The following FAM117B variants were observed in gnomAD, a reference collection of about 807,000 sequenced individuals.
FAM117B encodes family with sequence similarity 117 member B.
A neutral mutation model predicts 52.8 loss-of-function variants in FAM117B; 22 were observed. That is an observed-to-expected ratio of 0.42 (90% CI 0.30 to 0.59). The LOEUF is 0.59. FAM117B is among the 20% of genes least tolerant of loss of function. The pLI is 0.22. For missense variants in FAM117B, 678 were observed against 802.6 expected (o/e 0.84, Z 1.88); for synonymous variants, 309 against 324.1 (o/e 0.95, Z 0.50).
chr2:202,667,849 T>A (rs1327335335), intron 1 of FAM117B, among the ~76,000 whole-genome samples: 2 of 152,072 alleles, frequency 1.3e-5, no homozygotes, highest in Admixed American at 6.6e-5. Flanking sequence ...ACAGCTAGCA[T>A]GGCTGAACCA....
intron 2 of FAM117B, among the ~76,000 whole-genome samples, chr2:202,717,921 G>C (rs1691083858): frequency 6.6e-6 from 1 of 152,206 alleles, no homozygotes; most frequent in Non-Finnish European, 1.5e-5. Flanking sequence ...GGCAGGTCCA[G>C]AGGTGTTGTA....
intron 1 of FAM117B, among the ~76,000 whole-genome samples, chr2:202,648,613 A>G (rs760293036): frequency 2.0e-5 from 3 of 149,846 alleles, no homozygotes; most frequent in Non-Finnish European, 4.4e-5. Flanking sequence ...ATAGTGGACC[A>G]TGCATTATTT....
At chr2:202,643,343 GGTAGA>G (rs1453269791) in intron 1 of FAM117B, among the ~76,000 whole-genome samples, 2 of 152,092 alleles carry the variant, frequency 1.3e-5, no homozygotes, top group Admixed American at 6.6e-5. Context: ...TCCAGTACAT[GGTAGA>G]GTCTGGAAAT....
intron 4 of FAM117B, among the ~76,000 whole-genome samples, chr2:202,748,296 C>T (rs1362513231): frequency 1.3e-5 from 2 of 151,930 alleles, no homozygotes; most frequent in Non-Finnish European, 2.9e-5. Context: ...TGGATTAAAG[C>T]CTTAAAGGTA....
At chr2:202,755,803 T>A in intron 5 of FAM117B, 122 bp downstream of exon 5, 1 of 1,019,740 alleles carries the variant, frequency 9.8e-7, no homozygotes, top group South Asian at 2.1e-5. Flanking sequence ...AATTTATCTC[T>A]TTTGAAAAAT....
intron 1 of FAM117B, among the ~76,000 whole-genome samples, chr2:202,691,649 TTGTGTGTGTGTGTGTGTGTGTG>T (rs199855927): frequency 1.2e-4 from 15 of 126,882 alleles, no homozygotes; most frequent in African/African-American, 4.3e-4. Flanking sequence ...CCAGTTTACA[TTGTGTGTGTGTGTGTGTGTGTG>T]TGTGTGTGTG....
rs1158185300 is a variant in FAM117B, at chr2:202,673,433, G to GTTTT, written c.602-22419_602-22416dup. ...TAGCCTACCCTATTTTTCTTTTTCT[G>GTTTT]TTTTTTTTTTTTTTTTTTTTTTTTT... On this transcript the variant is annotated intron_variant, in intron 1 of 7. Coordinates refer to ENST00000392238, the MANE Select transcript of FAM117B (RefSeq NM_173511.4). Among the ~76,000 whole-genome samples the GTTTT allele has an allele frequency of 8.5e-3, 319 of 37,538 alleles. 23 individuals are homozygous for GTTTT. The highest frequency in any genetic ancestry group is 9.5e-3 in the East Asian group (9 of 944). 24.6% of individuals were successfully genotyped at this position (37,538 alleles called of 152,430 possible). A position where few individuals can be genotyped will look rare whatever the true frequency, so the allele number is the denominator to read the frequency against.
intron 1 of FAM117B, among the ~76,000 whole-genome samples, chr2:202,641,614 G>A (rs1363241182): frequency 6.6e-6 from 1 of 151,264 alleles, no homozygotes; most frequent in Non-Finnish European, 1.5e-5. Flanking sequence ...TGGGGTATAG[G>A]AATCTCAATA....
At chr2:202,763,400 TCAAA>T (rs1190976656) in intron 7 of FAM117B, among the ~76,000 whole-genome samples, 1 of 152,086 alleles carries the variant, frequency 6.6e-6, no homozygotes, top group African/African-American at 2.4e-5. Flanking sequence ...GAAGATAACC[TCAAA>T]CAAATAATTA....
intron 4 of FAM117B, among the ~76,000 whole-genome samples, chr2:202,735,954 T>C (rs929257889): frequency 1.3e-5 from 2 of 152,074 alleles, no homozygotes; most frequent in Non-Finnish European, 2.9e-5. Context: ...ATTTTAAAAG[T>C]GTGTGGGTGT....
At chr2:202,644,447 C>T (rs1354646369) in intron 1 of FAM117B, among the ~76,000 whole-genome samples, 1 of 152,072 alleles carries the variant, frequency 6.6e-6, no homozygotes, top group Non-Finnish European at 1.5e-5. Flanking sequence ...GGAGATATGT[C>T]TTTTGGAGTC....
chr2:202,681,532 T>G (rs1690462775), intron 1 of FAM117B, among the ~76,000 whole-genome samples: 1 of 152,166 alleles, frequency 6.6e-6, no homozygotes, highest in Non-Finnish European at 1.5e-5. Context: ...GTAAGGCATA[T>G]TACCAAGAAA....
intron 4 of FAM117B, among the ~76,000 whole-genome samples, chr2:202,728,039 G>C (rs1195484442): frequency 6.9e-6 from 1 of 145,824 alleles, no homozygotes; most frequent in Non-Finnish European, 1.5e-5. Flanking sequence ...AGTGCAGCAG[G>C]GTGATCACAG....
intron 7 of FAM117B, among the ~76,000 whole-genome samples, chr2:202,760,708 G>C (rs1384200598): frequency 1.3e-5 from 2 of 152,118 alleles, no homozygotes; most frequent in Non-Finnish European, 2.9e-5. Flanking sequence ...CCCAGGAACT[G>C]TCTCTTCATA....
intron 1 of FAM117B, among the ~76,000 whole-genome samples, chr2:202,658,839 A>G (rs1332944663): frequency 1.3e-5 from 2 of 151,864 alleles, no homozygotes; most frequent in African/African-American, 4.8e-5. Context: ...ATGGGCATAC[A>G]TTTATCCTGT....
intron 1 of FAM117B, among the ~76,000 whole-genome samples, chr2:202,646,149 C>G (rs146752119): frequency 9.6e-4 from 146 of 152,058 alleles, no homozygotes; most frequent in African/African-American, 3.0e-3. Flanking sequence ...ACCTCAGCCC[C>G]CTGAGTAGCT....
intron 4 of FAM117B, among the ~76,000 whole-genome samples, chr2:202,749,811 G>C (rs1010774793): frequency 6.6e-6 from 1 of 151,916 alleles, no homozygotes; most frequent in Non-Finnish European, 1.5e-5. Flanking sequence ...AAACAATGAA[G>C]TTAAAAATAG....
chr2:202,737,033 G>A (rs1691449557), intron 4 of FAM117B, among the ~76,000 whole-genome samples: 1 of 152,122 alleles, frequency 6.6e-6, no homozygotes, highest in Admixed American at 6.5e-5. Flanking sequence ...GAAGTTGTTG[G>A]CTTTTAGCAT....
intron 4 of FAM117B, among the ~76,000 whole-genome samples, chr2:202,738,656 T>C (rs1691477478): frequency 1.3e-5 from 2 of 152,204 alleles, no homozygotes; most frequent in Non-Finnish European, 2.9e-5. Flanking sequence ...GGGGGCATTT[T>C]AAATTTGGTA....
Sources: gnomAD v4.1 joint callset for allele counts (sites outside exome capture counted in the v4.1 genomes callset) on GRCh38, gnomAD v4.1.1 for gene constraint, MANE v1.5 for transcripts, NCBI Gene and HGNC (gene_info 2026-07-23, HGNC 2026-07-21) for gene names.